Variants in RIMS2 observed in about 807,000 individuals in gnomAD.
RIMS2 encodes regulating synaptic membrane exocytosis 2, also known as regulating synaptic membrane exocytosis protein 2.
Under a neutral mutation model 174.4 loss-of-function variants are expected in RIMS2, and 59 were observed. The observed-to-expected ratio is 0.34, with a 90% confidence interval of 0.27 to 0.42. RIMS2 has a LOEUF of 0.42. Ranked by LOEUF, RIMS2 falls within the 10% of genes least tolerant of loss-of-function variation. The pLI is 1.00. For synonymous variants in RIMS2, 606 were observed against 572.5 expected (o/e 1.06, Z -0.84); for missense variants, 1,620 against 1,666.3 (o/e 0.97, Z 0.48).
chr8:103,576,313 A>G (rs2093232316), intron 1 of RIMS2, among the ~76,000 whole-genome samples: 1 of 152,246 alleles, frequency 6.6e-6, no homozygotes, highest in South Asian at 2.1e-4. Context: ...AAGAAAGAAA[A>G]TCAACATGTA....
intron 19 of RIMS2, among the ~76,000 whole-genome samples, chr8:104,114,794 AT>A (rs1339820958): frequency 6.6e-6 from 1 of 151,966 alleles, no homozygotes; most frequent in Non-Finnish European, 1.5e-5. Flanking sequence ...TGCTTACAGT[AT>A]TTTTATTCAA....
At chr8:103,843,225 T>C (rs2098950485) in intron 3 of RIMS2, among the ~76,000 whole-genome samples, 1 of 152,224 alleles carries the variant, frequency 6.6e-6, no homozygotes, top group African/African-American at 2.4e-5. Context: ...GAGCTTCTGT[T>C]TCTTGGCCTG....
chr8:103,931,418 G>T, intron 12 of RIMS2, 25 bp downstream of exon 14: 1 of 1,501,688 alleles, frequency 6.7e-7, no homozygotes, highest in Non-Finnish European at 9.0e-7. Flanking sequence ...CAAAATAAAT[G>T]TTCTGGAAAA....
At chr8:103,992,274 A>ACTTT (rs1565726059) in intron 17 of RIMS2, among the ~76,000 whole-genome samples, 1 of 107,106 alleles carries the variant, frequency 9.3e-6, no homozygotes, top group African/African-American at 3.8e-5. Context: ...ATGTCCAGCT[A>ACTTT]TTTTTTTTTT....
chr8:104,082,829 C>G (rs1256099543), intron 19 of RIMS2, among the ~76,000 whole-genome samples: 1 of 151,894 alleles, frequency 6.6e-6, no homozygotes, highest in African/African-American at 2.4e-5. Flanking sequence ...ATATTTTATA[C>G]AACCCATATG....
intron 4 of RIMS2, among the ~76,000 whole-genome samples, chr8:103,896,173 C>A (rs1396029608): frequency 6.6e-6 from 1 of 151,562 alleles, no homozygotes; most frequent in East Asian, 1.9e-4. Context: ...CTTTGTTGGA[C>A]CACGCCTTAG....
rs77030236 is a variant in RIMS2, at chr8:104,189,959, C to G, written c.3335-54957C>G. On this transcript the variant is annotated intron_variant, in intron 19 of 23. Coordinates refer to ENST00000504942, the Ensembl canonical transcript of RIMS2. ...TCACATCATCTTCAAGGGTCATTGG[C>G]CTCTCCTAAACACCTCCAGTGATGG... Among the ~76,000 whole-genome samples, 1,150 of 152,072 alleles carry G rather than the reference C, an allele frequency of 7.6e-3. 10 individuals carry two copies. Among genetic ancestry groups the G allele is most frequent in the African/African-American group, 0.024 (1,013 of 41,498 alleles).
chr8:103,629,378 G>C (rs1255899545), intron 1 of RIMS2, among the ~76,000 whole-genome samples: 1 of 152,230 alleles, frequency 6.6e-6, no homozygotes, highest in Non-Finnish European at 1.5e-5. Context: ...CTCAGCAGTG[G>C]TATAGAATAA....
chr8:103,707,433 A>G (rs2097246290), intron 2 of RIMS2, among the ~76,000 whole-genome samples: 1 of 151,994 alleles, frequency 6.6e-6, no homozygotes, highest in East Asian at 1.9e-4. Flanking sequence ...AATAATTGTT[A>G]AGGGTACTGA....
chr8:104,027,129 G>T (rs930265576), intron 19 of RIMS2, among the ~76,000 whole-genome samples: 8 of 152,092 alleles, frequency 5.3e-5, no homozygotes, highest in Non-Finnish European at 8.8e-5. Context: ...ACTTGAAAGA[G>T]GAGAAACTGA....
intron 19 of RIMS2, among the ~76,000 whole-genome samples, chr8:104,194,471 T>C (rs1346205195): frequency 1.3e-5 from 2 of 152,136 alleles, no homozygotes; most frequent in Non-Finnish European, 2.9e-5. Context: ...ATACTACATA[T>C]AAAATACGCT....
chr8:103,905,822 G>T (rs2074288123), intron 4 of RIMS2, among the ~76,000 whole-genome samples: 2 of 125,316 alleles, frequency 1.6e-5, no homozygotes, highest in Admixed American at 7.9e-5. Context: ...TTTTCAGATT[G>T]GGTCATTTTT....
chr8:103,570,664 A>G (rs1023372613), intron 1 of RIMS2, among the ~76,000 whole-genome samples: 5 of 152,174 alleles, frequency 3.3e-5, no homozygotes, highest in Non-Finnish European at 7.3e-5. Context: ...CATGATAGGT[A>G]TCAATAAATT....
At chr8:103,585,106 G>A (rs767421677) in intron 1 of RIMS2, among the ~76,000 whole-genome samples, 3 of 152,108 alleles carry the variant, frequency 2.0e-5, no homozygotes, top group East Asian at 1.9e-4. Context: ...TTTCTCAAAA[G>A]AAGACATTTA....
chr8:103,966,470 C>T (rs546393023), intron 15 of RIMS2, among the ~76,000 whole-genome samples: 3 of 152,020 alleles, frequency 2.0e-5, no homozygotes, highest in South Asian at 2.1e-4. Context: ...GTAGTGATGT[C>T]CTCTTTTTCA....
chr8:103,713,785 TAA>T (rs1389622149), intron 2 of RIMS2, among the ~76,000 whole-genome samples: 2 of 152,228 alleles, frequency 1.3e-5, no homozygotes, highest in South Asian at 2.1e-4. Context: ...TCTAATGGCA[TAA>T]AGAGTCACCG....
intron 17 of RIMS2, chr8:103,998,381 C>T: frequency 2.0e-6 from 1 of 495,858 alleles, no homozygotes; most frequent in South Asian, 4.3e-5. Flanking sequence ...AGAAATATCA[C>T]CCACATAAAA....
At chr8:104,231,487 T>A (rs2099228679) in intron 19 of RIMS2, among the ~76,000 whole-genome samples, 1 of 152,186 alleles carries the variant, frequency 6.6e-6, no homozygotes, top group Admixed American at 6.5e-5. Context: ...TGTATATATA[T>A]CCTGTCTAAT....
At position 103,856,846 on chromosome 8, in the gene RIMS2, G is replaced by A. The variant is rs940585905; in HGVS notation, c.699-28452G>A. On this transcript the variant is annotated intron_variant, in intron 3 of 23. Coordinates refer to ENST00000504942, the Ensembl canonical transcript of RIMS2. ...CTTTGAGAAGGAGTCTCGCTTTGTCGCCCAGGCTGGAGTGCAGTGGCATGG... is the reference window on the plus strand; with the variant it reads ...CTTTGAGAAGGAGTCTCGCTTTGTCACCCAGGCTGGAGTGCAGTGGCATGG... Among the ~76,000 whole-genome samples, 7 of 150,462 alleles carry A rather than the reference G, an allele frequency of 4.7e-5. No homozygotes were observed. In the Middle Eastern group the frequency reaches 0.014, roughly 294 times the overall value.
Sources: gnomAD v4.1 joint callset for allele counts (sites outside exome capture counted in the v4.1 genomes callset) on GRCh38, gnomAD v4.1.1 for gene constraint, MANE v1.5 for transcripts, NCBI Gene and HGNC (gene_info 2026-07-23, HGNC 2026-07-21) for gene names.